STIM1: variants seen among roughly 807,000 people sequenced by gnomAD.
STIM1 encodes stromal interaction molecule 1.
STIM1 carries 25 observed loss-of-function variants against 74.7 expected under a neutral mutation model. That is an observed-to-expected ratio of 0.33 (90% CI 0.24 to 0.47). The LOEUF (loss-of-function observed/expected upper bound fraction) is 0.47, where lower values mean the gene tolerates loss of function less well. Ranked by LOEUF, STIM1 falls within the 20% of genes least tolerant of loss-of-function variation. The pLI, the probability that STIM1 is intolerant of heterozygous loss-of-function variation, is 1.00. For synonymous variants in STIM1, 328 were observed against 348.8 expected, an observed-to-expected ratio of 0.94 and a Z score of 0.66; for missense variants, 728 against 920.8, an observed-to-expected ratio of 0.79 and a Z score of 2.71.
At chr11:3,880,376 A>G (rs751979635) in intron 1 of STIM1, among the ~76,000 whole-genome samples, 1 of 152,156 alleles carries the variant, frequency 6.6e-6, no homozygotes, top group Non-Finnish European at 1.5e-5. Context: ...ATTGGCTGAT[A>G]GAGGATGAGC....
intron 1 of STIM1, among the ~76,000 whole-genome samples, chr11:3,949,956 A>G (rs955902769): frequency 2.0e-5 from 3 of 152,158 alleles, no homozygotes; most frequent in East Asian, 3.9e-4. Flanking sequence ...TTTCAACCCC[A>G]TTCCTCATTC....
chr11:4,008,184 A>G (rs963260275), intron 2 of STIM1, among the ~76,000 whole-genome samples: 11 of 152,132 alleles, frequency 7.2e-5, no homozygotes, highest in African/African-American at 2.7e-4. Flanking sequence ...AATACTTACT[A>G]CTGTGTTACA....
intron 3 of STIM1, among the ~76,000 whole-genome samples, chr11:4,048,995 A>T (rs2094215958): frequency 6.6e-6 from 1 of 152,208 alleles, no homozygotes; most frequent in African/African-American, 2.4e-5. Flanking sequence ...CGGCCTCCCA[A>T]AGTGCTGGGA....
intron 1 of STIM1, chr11:3,892,825 G>A: frequency 1.2e-6 from 2 of 1,612,718 alleles, no homozygotes; most frequent in Non-Finnish European, 1.7e-6. Flanking sequence ...ATAGCTTGAA[G>A]GAGACATGGC....
chr11:4,062,992 G>T (rs1590684105), intron 5 of STIM1, among the ~76,000 whole-genome samples: 2 of 152,076 alleles, frequency 1.3e-5, no homozygotes, highest in Admixed American at 6.6e-5. Context: ...CCAAGTAAAA[G>T]AAGCCAGTCA....
chr11:3,963,343 G>A (rs1424942946), intron 1 of STIM1, among the ~76,000 whole-genome samples: 2 of 152,082 alleles, frequency 1.3e-5, no homozygotes, highest in Non-Finnish European at 2.9e-5. Context: ...GTGGTATTTG[G>A]TTTTCTGTTC....
rs572685022 is a variant in STIM1, at chr11:3,892,651, G to A, written c.139+36242G>A. The A allele has an allele frequency of 9.3e-5, 149 of 1,610,022 alleles. 2 individuals carry two copies. The East Asian group carries it at 3.1e-3, about 33-fold the overall frequency. ...AGTTCTCATCATCAAATTTCTCCCC[G>A]TAGATGGACTTGCTGCTAGTGCCAT... On this transcript the variant is annotated intron_variant, in intron 1 of 12. Transcript: ENST00000526596.
intron 1 of STIM1, among the ~76,000 whole-genome samples, chr11:3,956,342 G>A (rs2898947): frequency 0.25 from 37,284 of 152,122 alleles, 5,685 homozygotes; most frequent in South Asian, 0.45. Context: ...ATTAAATGTG[G>A]AGAGTGAAGG....
chr11:3,881,671 G>A (rs966284374), intron 1 of STIM1, among the ~76,000 whole-genome samples: 25 of 139,900 alleles, frequency 1.8e-4, no homozygotes, highest in African/African-American at 6.4e-4. Flanking sequence ...GTGCCCGGCC[G>A]ATTATTTTAT....
At chr11:3,884,699 A>G (rs1336206996) in intron 1 of STIM1, among the ~76,000 whole-genome samples, 1 of 152,014 alleles carries the variant, frequency 6.6e-6, no homozygotes, top group Non-Finnish European at 1.5e-5. Context: ...GCAGTCCCCA[A>G]GAAGCTTGGG....
intron 1 of STIM1, among the ~76,000 whole-genome samples, chr11:3,919,519 T>G (rs2092692249): frequency 6.6e-6 from 1 of 152,190 alleles, no homozygotes; most frequent in African/African-American, 2.4e-5. Context: ...ACTGAGTTTT[T>G]TTTTTAGAAG....
intron 1 of STIM1, among the ~76,000 whole-genome samples, chr11:3,958,165 A>G (rs1385868080): frequency 1.3e-5 from 2 of 152,126 alleles, no homozygotes; most frequent in Non-Finnish European, 2.9e-5. Flanking sequence ...CTCCCAGCTG[A>G]TTAATTTTTG....
At chr11:3,934,253 C>T (rs1441171538) in intron 1 of STIM1, among the ~76,000 whole-genome samples, 1 of 151,592 alleles carries the variant, frequency 6.6e-6, no homozygotes, top group Non-Finnish European at 1.5e-5. Context: ...CTTCTGGAGA[C>T]TTTGCAGTCT....
At chr11:4,044,266 G>A (rs541093846) in intron 3 of STIM1, among the ~76,000 whole-genome samples, 20 of 152,262 alleles carry the variant, frequency 1.3e-4, no homozygotes, top group Non-Finnish European at 2.1e-4. Flanking sequence ...TGAGTCATTT[G>A]GAGTCTGTAT....
At chr11:3,998,098 TACAC>T (rs972182819) in intron 2 of STIM1, among the ~76,000 whole-genome samples, 1 of 151,960 alleles carries the variant, frequency 6.6e-6, no homozygotes, top group African/African-American at 2.4e-5. Context: ...TAAAACATAT[TACAC>T]ACACACACAG....
chr11:4,019,424 A>C (rs933704425), intron 2 of STIM1, among the ~76,000 whole-genome samples: 4 of 152,184 alleles, frequency 2.6e-5, no homozygotes, highest in Admixed American at 6.5e-5. Context: ...CTGTAATCCG[A>C]GCACTTTGGG....
At chr11:3,994,759 C>T (rs1446410712) in intron 2 of STIM1, among the ~76,000 whole-genome samples, 1 of 152,022 alleles carries the variant, frequency 6.6e-6, no homozygotes, top group South Asian at 2.1e-4. Context: ...TTTATCTTCC[C>T]CTTCTGGTAT....
chr11:4,065,771 G>C (rs572984579), intron 5 of STIM1, among the ~76,000 whole-genome samples: 43 of 152,300 alleles, frequency 2.8e-4, no homozygotes, highest in Non-Finnish European at 4.7e-4. Flanking sequence ...AACTAGAAGG[G>C]AGGGGGGCCC....
At chr11:3,883,401 G>C (rs1449301961) in intron 1 of STIM1, among the ~76,000 whole-genome samples, 1 of 152,128 alleles carries the variant, frequency 6.6e-6, no homozygotes, top group Non-Finnish European at 1.5e-5. Context: ...TGTTGCCCAG[G>C]CTGGAGTGCA....
Sources: allele counts gnomAD v4.1 joint callset (sites outside exome capture counted in the v4.1 genomes callset), GRCh38; gene constraint gnomAD v4.1.1; transcripts MANE v1.5; gene names NCBI Gene and HGNC (gene_info 2026-07-23, HGNC 2026-07-21).